The following PPM1L variants were observed in gnomAD, a reference collection of about 807,000 sequenced individuals.
PPM1L encodes protein phosphatase, Mg2+/Mn2+ dependent 1L.
PPM1L carries 13 observed loss-of-function variants against 31.4 expected under a neutral mutation model. The observed-to-expected ratio is 0.41, with a 90% CI of 0.27 to 0.66. The LOEUF (loss-of-function observed/expected upper bound fraction) is 0.66. PPM1L is among the 30% of genes least tolerant of loss of function. The probability of loss-of-function intolerance (pLI) is 0.29; values close to 1 mark genes in which losing one functional copy is unlikely to be tolerated. For synonymous variants in PPM1L, 184 were observed against 175.4 expected, an observed-to-expected ratio of 1.05 and a Z score of -0.39; for missense variants, 326 against 453.7, an observed-to-expected ratio of 0.72 and a Z score of 2.56.
In PPM1L at chr3:160,954,968, T is replaced by C. The variant is rs568047758; in HGVS notation, c.400-6768T>C. Among the ~76,000 whole-genome samples the C allele has an allele frequency of 5.7e-5, 7 of 122,586 alleles. No homozygotes were observed. In the East Asian group the frequency reaches 1.2e-3, roughly 21 times the overall value. The allele number at this position is 122,586 out of a possible 152,430, so 80.4% of individuals were successfully genotyped here. On this transcript the variant is annotated intron_variant, in intron 1 of 3. Transcript: ENST00000498165. ...CCTTCCTTCCTTCCTTCCTTTCCTT[T>C]CCTTTCCTTTCCTTTCCTTTCCCTC... is the stretch of plus-strand genomic sequence containing the variant.
chr3:160,852,675 A>C (rs563861071), intron 1 of PPM1L, among the ~76,000 whole-genome samples: 1 of 152,320 alleles, frequency 6.6e-6, no homozygotes, highest in South Asian at 2.1e-4. Context: ...TGGAAGGGTC[A>C]ACTTTTCAAT....
intron 1 of PPM1L, among the ~76,000 whole-genome samples, chr3:160,864,423 C>T (rs1266495633): frequency 6.6e-6 from 1 of 152,146 alleles, no homozygotes; most frequent in Non-Finnish European, 1.5e-5. Flanking sequence ...GCAGTCTGCC[C>T]ACCTCAGCTT....
intron 1 of PPM1L, among the ~76,000 whole-genome samples, chr3:160,854,232 T>C (rs1169956307): frequency 6.6e-6 from 1 of 152,190 alleles, no homozygotes; most frequent in African/African-American, 2.4e-5. Context: ...TTGTTGCCCA[T>C]GCTTACCTGA....
intron 2 of PPM1L, among the ~76,000 whole-genome samples, chr3:160,971,700 A>C (rs2108116955): frequency 6.6e-6 from 1 of 152,276 alleles, no homozygotes; most frequent in South Asian, 2.1e-4. Flanking sequence ...TGCTTCTGTA[A>C]CTGTGGTTAT....
intron 1 of PPM1L, among the ~76,000 whole-genome samples, chr3:160,886,363 G>A (rs1021098000): frequency 8.5e-5 from 13 of 152,174 alleles, no homozygotes; most frequent in Admixed American, 2.0e-4. Flanking sequence ...AAAGTGCTTC[G>A]TTAAATGGGT....
chr3:161,010,810 C>A (rs1295536762), intron 2 of PPM1L, among the ~76,000 whole-genome samples: 3 of 152,206 alleles, frequency 2.0e-5, no homozygotes, highest in Non-Finnish European at 4.4e-5. Flanking sequence ...CTGTTGGCTG[C>A]ATAAATGTCT....
intron 2 of PPM1L, among the ~76,000 whole-genome samples, chr3:161,002,529 T>C (rs1421717658): frequency 6.6e-6 from 1 of 151,408 alleles, no homozygotes; most frequent in Non-Finnish European, 1.5e-5. Flanking sequence ...TGATCGCCAT[T>C]GTAACTGGTG....
intron 1 of PPM1L, among the ~76,000 whole-genome samples, chr3:160,763,482 C>G (rs1715022440): frequency 6.6e-6 from 1 of 152,200 alleles, no homozygotes; most frequent in Non-Finnish European, 1.5e-5. Flanking sequence ...ATGGATAACA[C>G]ATTGCTTGTG....
chr3:160,973,765 T>TTTTTTTTTTTG (rs1491549115), intron 2 of PPM1L, among the ~76,000 whole-genome samples: 7 of 26,126 alleles, frequency 2.7e-4, no homozygotes, highest in Non-Finnish European at 3.9e-4. Flanking sequence ...AAAGGCCCTG[T>TTTTTTTTTTTG]TTTTTTTTTT....
At chr3:160,807,852 T>C (rs1227125142) in intron 1 of PPM1L, among the ~76,000 whole-genome samples, 4 of 151,980 alleles carry the variant, frequency 2.6e-5, no homozygotes, top group Non-Finnish European at 5.9e-5. Context: ...TTGTTTCTAC[T>C]GAGAATAAGG....
chr3:161,066,900 T>G lies in PPM1L; in HGVS notation c.736+1336T>G, dbSNP rs533567977. On this transcript the variant is annotated intron_variant, in intron 3 of 3. Coordinates refer to ENST00000498165, the MANE Select transcript of PPM1L (RefSeq NM_139245.4). ...TGTGTTGAATTTTATTACAATCTCC[T>G]GCTTCAGTGACTGCTTGAGTTGCAA... Among the ~76,000 whole-genome samples the G allele has an allele frequency of 5.9e-5, 9 of 152,352 alleles. No individual in the cohort carries two copies. In the East Asian group the frequency reaches 1.7e-3, roughly 29 times the overall value.
intron 1 of PPM1L, among the ~76,000 whole-genome samples, chr3:160,899,664 A>G (rs1713473247): frequency 6.6e-6 from 1 of 152,148 alleles, no homozygotes; most frequent in Non-Finnish European, 1.5e-5. Flanking sequence ...TAGTTGTCAG[A>G]ATCTTTAATT....
In PPM1L at chr3:161,013,279, G is replaced by A. The variant is rs143270869; in HGVS notation, c.574+51369G>A. ...TTTATTTCTGCCTTCATTTCGTTAT[G>A]CACCCAGTAGTCATTCAGGAGCAGG... On this transcript the variant is annotated intron_variant, in intron 2 of 3. Transcript: ENST00000498165. Among the ~76,000 whole-genome samples the A allele has an allele frequency of 6.5e-3, 982 of 152,222 alleles. 11 individuals are homozygous for A. Among genetic ancestry groups the A allele is most frequent in the African/African-American group, 0.022 (934 of 41,524 alleles).
intron 1 of PPM1L, among the ~76,000 whole-genome samples, chr3:160,906,600 C>T (rs1713766660): frequency 9.7e-6 from 1 of 103,008 alleles, no homozygotes; most frequent in Non-Finnish European, 1.9e-5. Context: ...GACTCTGTCT[C>T]ATAAAGAAAA....
At chr3:160,786,546 T>C (rs887624680) in intron 1 of PPM1L, among the ~76,000 whole-genome samples, 2 of 151,530 alleles carry the variant, frequency 1.3e-5, no homozygotes, top group African/African-American at 4.9e-5. Flanking sequence ...ACGAGTAAAG[T>C]TGAACATCTT....
chr3:160,892,353 A>G (rs1446378828), intron 1 of PPM1L, among the ~76,000 whole-genome samples: 1 of 152,036 alleles, frequency 6.6e-6, no homozygotes, highest in Admixed American at 6.6e-5. Context: ...ACACATTTTT[A>G]AATGACCAGA....
intron 1 of PPM1L, among the ~76,000 whole-genome samples, chr3:160,766,841 G>T (rs755003961): frequency 3.3e-5 from 5 of 150,582 alleles, no homozygotes; most frequent in Non-Finnish European, 7.4e-5. Flanking sequence ...ATTAAGGAGG[G>T]CCTTGATACT....
chr3:161,048,352 G>A (rs1275239055), intron 2 of PPM1L, among the ~76,000 whole-genome samples: 1 of 152,210 alleles, frequency 6.6e-6, no homozygotes, highest in Non-Finnish European at 1.5e-5. Context: ...CTGGCCATCA[G>A]AGAAATGCAA....
chr3:160,837,402 A>G (rs1008875357), intron 1 of PPM1L, among the ~76,000 whole-genome samples: 1 of 152,242 alleles, frequency 6.6e-6, no homozygotes, highest in African/African-American at 2.4e-5. Flanking sequence ...TTGTAAAGAC[A>G]GATAAATGAA....
Sources: gnomAD v4.1 joint callset for allele counts (sites outside exome capture counted in the v4.1 genomes callset) on GRCh38, gnomAD v4.1.1 for gene constraint, MANE v1.5 for transcripts, NCBI Gene and HGNC (gene_info 2026-07-23, HGNC 2026-07-21) for gene names.